Variants in TRAPPC9 observed in about 807,000 individuals in gnomAD.
TRAPPC9 encodes IKK2 binding protein.
In TRAPPC9, 83 loss-of-function variants were observed where a neutral mutation model predicts 124.0. The ratio of observed to expected loss-of-function variants is 0.67; its 90% confidence interval spans 0.56 to 0.80. TRAPPC9 has a LOEUF of 0.80. TRAPPC9 is among the 30% of genes least tolerant of loss of function. TRAPPC9 has a pLI of 0.00. For synonymous variants in TRAPPC9, 638 were observed against 617.5 expected, an observed-to-expected ratio of 1.03 and a Z score of -0.49; for missense variants, 1,302 against 1,508.3, an observed-to-expected ratio of 0.86 and a Z score of 2.27.
At chr8:140,440,397 C>G (rs559520726) in intron 2 of TRAPPC9, among the ~76,000 whole-genome samples, 5 of 152,130 alleles carry the variant, frequency 3.3e-5, no homozygotes. Context: ...GTCCCAGCTA[C>G]TCAGGAGGCT....
chr8:140,065,073 G>T (rs1331879109), intron 17 of TRAPPC9, among the ~76,000 whole-genome samples: 1 of 152,140 alleles, frequency 6.6e-6, no homozygotes, highest in Non-Finnish European at 1.5e-5. Context: ...TATAACCAAG[G>T]AAGACATTAT....
chr8:140,288,161 G>A (rs1005623812), intron 12 of TRAPPC9, among the ~76,000 whole-genome samples: 1 of 152,174 alleles, frequency 6.6e-6, no homozygotes, highest in Non-Finnish European at 1.5e-5. Flanking sequence ...GGGCAACACA[G>A]TAAGACCCCA....
chr8:140,215,185 T>G (rs535912108), intron 17 of TRAPPC9, among the ~76,000 whole-genome samples: 7 of 152,158 alleles, frequency 4.6e-5, no homozygotes, highest in Non-Finnish European at 1.0e-4. Context: ...TCACTACTGA[T>G]GGATCTCAGG....
At chr8:140,025,284 C>A (rs1013547487) in intron 17 of TRAPPC9, among the ~76,000 whole-genome samples, 7 of 152,160 alleles carry the variant, frequency 4.6e-5, no homozygotes, top group African/African-American at 1.7e-4. Flanking sequence ...GCAGATCCAG[C>A]CCATGGACCA....
intron 15 of TRAPPC9, among the ~76,000 whole-genome samples, chr8:140,266,195 G>A (rs2064646775): frequency 2.0e-5 from 3 of 152,070 alleles, no homozygotes; most frequent in African/African-American, 7.2e-5. Context: ...GGTGGGTCAC[G>A]CCTGTAATAC....
At chr8:139,991,071 A>G (rs2131723634) in intron 18 of TRAPPC9, among the ~76,000 whole-genome samples, 1 of 152,354 alleles carries the variant, frequency 6.6e-6, no homozygotes, top group African/African-American at 2.4e-5. Flanking sequence ...CAGCTCACAG[A>G]AAAATGAGCT....
intron 2 of TRAPPC9, among the ~76,000 whole-genome samples, chr8:140,445,119 A>G (rs761737351): frequency 1.3e-5 from 2 of 152,184 alleles, no homozygotes; most frequent in Non-Finnish European, 1.5e-5. Context: ...CCCAACAGGC[A>G]TCTCAAAAAC....
intron 17 of TRAPPC9, among the ~76,000 whole-genome samples, chr8:140,077,081 G>A (rs753686418): frequency 6.6e-5 from 10 of 152,040 alleles, no homozygotes; most frequent in Non-Finnish European, 4.4e-5. Flanking sequence ...CAGGAGGATC[G>A]CTTGAACCCA....
chr8:139,827,685 C>T (rs1057360263), intron 21 of TRAPPC9, among the ~76,000 whole-genome samples: 6 of 152,166 alleles, frequency 3.9e-5, no homozygotes, highest in African/African-American at 1.4e-4. Context: ...GCAAAGCCAG[C>T]CAGGACAGCA....
At chr8:140,359,185 T>C (rs2067853273) in intron 9 of TRAPPC9, among the ~76,000 whole-genome samples, 2 of 152,136 alleles carry the variant, frequency 1.3e-5, no homozygotes, top group Admixed American at 6.5e-5. Context: ...TCTCCCACTG[T>C]CCAGTCTCGC....
chr8:140,089,979 C>T (rs142865607), intron 17 of TRAPPC9, among the ~76,000 whole-genome samples: 4,121 of 152,132 alleles, frequency 0.027, 182 homozygotes, highest in African/African-American at 0.093. Flanking sequence ...GCTCGGGAGG[C>T]TGAGGCAGGA....
intron 14 of TRAPPC9, among the ~76,000 whole-genome samples, chr8:140,277,697 C>T (rs1266309855): frequency 6.6e-6 from 1 of 152,200 alleles, no homozygotes; most frequent in African/African-American, 2.4e-5. Flanking sequence ...CCTGAACAGG[C>T]CATGGCACTA....
chr8:140,326,222 T>TAA (rs748923859), intron 9 of TRAPPC9, among the ~76,000 whole-genome samples: 116 of 109,448 alleles, frequency 1.1e-3, no homozygotes, highest in African/African-American at 3.2e-3. Flanking sequence ...CCGTCTCTAC[T>TAA]AAAAAAAAAA....
At chr8:139,753,971 G>A (rs997450227) in intron 21 of TRAPPC9, among the ~76,000 whole-genome samples, 3 of 152,242 alleles carry the variant, frequency 2.0e-5, no homozygotes, top group South Asian at 4.1e-4. Flanking sequence ...TTGGCACAGA[G>A]CAGGTATTCC....
rs150153473 is a variant in TRAPPC9 at position 140,041,657 on chromosome 8, T to C, written c.2557-17578A>G. ...GGTCACACCATCCTGGGCCTCAACA[T>C]GGCATCTAAGTCTAATCTAATTCCA... On this transcript the variant is annotated intron_variant, in intron 17 of 22. Transcript: ENST00000438773. 4.6e-3 allele frequency among the ~76,000 whole-genome samples: 701 copies of C among 152,324 alleles called. 6 individuals are homozygous for C. Among genetic ancestry groups the C allele is most frequent in the African/African-American group, 0.016 (672 of 41,580 alleles).
At chr8:140,233,398 G>A (rs764298969) in intron 16 of TRAPPC9, among the ~76,000 whole-genome samples, 1 of 151,934 alleles carries the variant, frequency 6.6e-6, no homozygotes, top group South Asian at 2.1e-4. Context: ...TAGAGACGGG[G>A]TTTCACCATC....
intron 17 of TRAPPC9, among the ~76,000 whole-genome samples, chr8:140,024,693 GTGTGGGATGACAGGCA>G (rs1326224577): frequency 1.7e-3 from 258 of 152,038 alleles, no homozygotes; most frequent in African/African-American, 5.4e-3. Context: ...GATGACAGGC[GTGTGGGATGACAGGCA>G]TGTGGGATGA....
chr8:140,336,145 T>C (rs759032022), intron 9 of TRAPPC9, among the ~76,000 whole-genome samples: 5 of 152,206 alleles, frequency 3.3e-5, no homozygotes, highest in Non-Finnish European at 7.3e-5. Flanking sequence ...AAATTTCTTT[T>C]CCATCTGCTC....
intron 9 of TRAPPC9, among the ~76,000 whole-genome samples, chr8:140,343,031 A>G (rs1020400307): frequency 1.2e-4 from 19 of 152,252 alleles, no homozygotes; most frequent in African/African-American, 2.4e-4. Context: ...AAATTCTAGC[A>G]AAATTCCAAA....
Sources: gnomAD v4.1 joint callset for allele counts (sites outside exome capture counted in the v4.1 genomes callset) on GRCh38, gnomAD v4.1.1 for gene constraint, MANE v1.5 for transcripts, NCBI Gene and HGNC (gene_info 2026-07-23, HGNC 2026-07-21) for gene names.